Variants in CORO2B observed in about 807,000 individuals in gnomAD.
The protein encoded by CORO2B is coronin 2B, also known as coronin-2B.
A neutral mutation model predicts 58.8 loss-of-function variants in CORO2B; 26 were observed. That is an observed-to-expected ratio of 0.44 (90% confidence interval 0.32 to 0.61). The LOEUF (loss-of-function observed/expected upper bound fraction) is 0.61. CORO2B is among the 20% of genes least tolerant of loss of function. CORO2B has a pLI of 0.04. For missense variants in CORO2B, 460 were observed against 645.1 expected (o/e 0.71, Z 3.11); for synonymous variants, 242 against 253.8 (o/e 0.95, Z 0.44).
the CORO2B span, among the ~76,000 whole-genome samples, chr15:68,531,639 A>AAGAT: frequency 2.0e-5 from 3 of 150,134 alleles, no homozygotes; most frequent in African/African-American, 7.5e-5. Flanking sequence ...GAAAGAAGGA[A>AAGAT]AGAAAGAAAG....
intron 4 of CORO2B, 105 bp from the exon 5 acceptor site, chr15:68,711,437 C>G: frequency 1.0e-6 from 1 of 956,164 alleles, no homozygotes; most frequent in Non-Finnish European, 1.5e-6. Context: ...CACCCCAGGC[C>G]CTGCATGGGG....
the CORO2B span, among the ~76,000 whole-genome samples, chr15:68,560,471 AT>A: frequency 4.0e-5 from 6 of 151,278 alleles, no homozygotes; most frequent in Non-Finnish European, 7.4e-5. Context: ...ATTAAAGACA[AT>A]TTTTTTTGTA....
chr15:68,642,215 G>A (rs1049400964), intron 1 of CORO2B, among the ~76,000 whole-genome samples: 2 of 151,922 alleles, frequency 1.3e-5, no homozygotes, highest in African/African-American at 4.8e-5. Flanking sequence ...TCTTTAATAT[G>A]GGAGTAGATG....
chr15:68,665,574 T>C (rs1475607959), intron 2 of CORO2B, among the ~76,000 whole-genome samples: 1 of 151,578 alleles, frequency 6.6e-6, no homozygotes, highest in African/African-American at 2.4e-5. Context: ...AACCTTATGA[T>C]GTTGAGTCTA....
chr15:68,610,341 C>G (rs534363197), intron 1 of CORO2B, among the ~76,000 whole-genome samples: 1 of 152,262 alleles, frequency 6.6e-6, no homozygotes, highest in East Asian at 1.9e-4. Context: ...GCCTCAAGGC[C>G]TAGTGAAGGG....
At chr15:68,526,051 C>T in the CORO2B span, among the ~76,000 whole-genome samples, 6 of 152,206 alleles carry the variant, frequency 3.9e-5, no homozygotes, top group African/African-American at 9.6e-5. Flanking sequence ...CGGCTTCTCT[C>T]ATTCAGCGTA....
chr15:68,667,080 C>G (rs1902215591), intron 2 of CORO2B, among the ~76,000 whole-genome samples: 1 of 152,084 alleles, frequency 6.6e-6, no homozygotes, highest in Non-Finnish European at 1.5e-5. Flanking sequence ...CTCCTGATCT[C>G]CCTTCACTCT....
intron 3 of CORO2B, among the ~76,000 whole-genome samples, chr15:68,698,681 T>C (rs1892571147): frequency 6.6e-6 from 1 of 152,144 alleles, no homozygotes; most frequent in Admixed American, 6.5e-5. Flanking sequence ...GGGTGGCCAA[T>C]GGAGTGTTAC....
chr15:68,640,857 A>T (rs1217400274), intron 1 of CORO2B, among the ~76,000 whole-genome samples: 1 of 152,166 alleles, frequency 6.6e-6, no homozygotes, highest in Non-Finnish European at 1.5e-5. Context: ...GTAGAGGAGG[A>T]GGAGCAACTG....
At chr15:68,615,272 G>A (rs954857417) in intron 1 of CORO2B, among the ~76,000 whole-genome samples, 10 of 152,136 alleles carry the variant, frequency 6.6e-5, no homozygotes, top group African/African-American at 2.4e-4. Flanking sequence ...CATGAGACAG[G>A]ACTAATGTCA....
At chr15:68,723,116 C>CTTTT (rs767517372) in intron 11 of CORO2B, among the ~76,000 whole-genome samples, 1 of 91,466 alleles carries the variant, frequency 1.1e-5, no homozygotes, top group African/African-American at 4.5e-5. Context: ...TACATACATT[C>CTTTT]TTTTTTTTTT....
chr15:68,575,920 C>A (rs1019281816), upstream of CORO2B, among the ~76,000 whole-genome samples: 7 of 151,048 alleles, frequency 4.6e-5, no homozygotes, highest in African/African-American at 1.7e-4. Flanking sequence ...TTTGGGAGGC[C>A]GAGGCGGGCA....
intron 1 of CORO2B, among the ~76,000 whole-genome samples, chr15:68,622,615 A>G (rs577263152): frequency 6.6e-6 from 1 of 152,320 alleles, no homozygotes; most frequent in African/African-American, 2.4e-5. Context: ...CATTAGAAAC[A>G]GAAGCAGCTC....
chr15:68,646,611 C>G (rs1465854371), intron 2 of CORO2B, among the ~76,000 whole-genome samples: 1 of 152,194 alleles, frequency 6.6e-6, no homozygotes, highest in Non-Finnish European at 1.5e-5. Context: ...GGCGGGAGGT[C>G]TGGGTTCTGC....
At position 68,680,410 on chromosome 15, in the gene CORO2B, C is replaced by T. The variant is rs184672223; in HGVS notation, c.217-14730C>T. ...AACACCCGTGAAATAAAGCAAACAA[C>T]GCAAGACAATGCTAAATGGAGAAGC... On this transcript the variant is annotated intron_variant, in intron 2 of 11. Coordinates refer to ENST00000261861, the MANE Select transcript of CORO2B (RefSeq NM_006091.5). Among the ~76,000 whole-genome samples, 447 of 152,288 alleles carry T rather than the reference C, an allele frequency of 2.9e-3. 7 individuals carry two copies. Among genetic ancestry groups the T allele is most frequent in the African/African-American group, 0.01 (431 of 41,550 alleles).
intron 1 of CORO2B, among the ~76,000 whole-genome samples, chr15:68,644,712 T>A (rs1272205764): frequency 6.6e-6 from 1 of 152,092 alleles, no homozygotes; most frequent in African/African-American, 2.4e-5. Context: ...CCCACCCCAC[T>A]CCTGCTGTGG....
chr15:68,711,512 A>C, intron 4 of CORO2B, 30 bp from the exon 5 acceptor site: 1 of 1,597,832 alleles, frequency 6.3e-7, no homozygotes, highest in Non-Finnish European at 8.5e-7. Context: ...GCAGCCACTG[A>C]CCCTGCCTCC....
chr15:68,655,309 A>C (rs1328697128), intron 2 of CORO2B, among the ~76,000 whole-genome samples: 1 of 152,302 alleles, frequency 6.6e-6, no homozygotes, highest in South Asian at 2.1e-4. Context: ...AGATGGAGGC[A>C]CAGCCCCATT....
At chr15:68,574,875 G>C (rs970348959), upstream of CORO2B, among the ~76,000 whole-genome samples, 5 of 152,208 alleles carry the variant, frequency 3.3e-5, no homozygotes, top group Non-Finnish European at 7.3e-5. Context: ...TGCTGAGAAA[G>C]AGGGCTAGGG....
Sources: allele counts gnomAD v4.1 joint callset (sites outside exome capture counted in the v4.1 genomes callset), GRCh38; gene constraint gnomAD v4.1.1; transcripts MANE v1.5; gene names NCBI Gene and HGNC (gene_info 2026-07-23, HGNC 2026-07-21).